The following TANGO6 variants were observed in gnomAD, a reference collection of about 807,000 sequenced individuals.
The protein encoded by TANGO6 is transport and Golgi organization protein 6 homolog.
A neutral mutation model predicts 114.2 loss-of-function variants in TANGO6; 90 were observed. The observed-to-expected ratio is 0.79, with a 90% CI of 0.66 to 0.94. TANGO6 has a LOEUF of 0.94. Ranked by LOEUF, TANGO6 falls within the 40% of genes least tolerant of loss-of-function variation. The pLI, the probability that TANGO6 is intolerant of heterozygous loss-of-function variation, is 0.00. For missense variants in TANGO6, 1,274 were observed against 1,315.3 expected (o/e 0.97, Z 0.49); for synonymous variants, 477 against 509.8 (o/e 0.94, Z 0.87).
chr16:68,970,624 G>A (rs1306332281), intron 14 of TANGO6, among the ~76,000 whole-genome samples: 1 of 143,958 alleles, frequency 6.9e-6, no homozygotes, highest in Non-Finnish European at 1.5e-5. Flanking sequence ...CTGAGATCAC[G>A]CCATTGTACT....
At chr16:68,843,917 G>C (rs1191726686) in intron 1 of TANGO6, among the ~76,000 whole-genome samples, 1 of 152,224 alleles carries the variant, frequency 6.6e-6, no homozygotes, top group East Asian at 1.9e-4. Context: ...GGGATCCGTT[G>C]ACTGCTGATA....
At chr16:69,075,425 GA>G (rs1960359794) in intron 17 of TANGO6, among the ~76,000 whole-genome samples, 1 of 151,400 alleles carries the variant, frequency 6.6e-6, no homozygotes, top group Admixed American at 6.6e-5. Context: ...CAGAACAGTA[GA>G]AACTCTACAC....
intron 7 of TANGO6, among the ~76,000 whole-genome samples, chr16:68,886,373 A>G (rs1962539176): frequency 1.4e-5 from 2 of 145,506 alleles, no homozygotes; most frequent in Admixed American, 6.9e-5. Flanking sequence ...ATGCACCACC[A>G]CACCTGGCTA....
intron 7 of TANGO6, among the ~76,000 whole-genome samples, chr16:68,883,382 T>C (rs1453390104): frequency 3.9e-5 from 6 of 152,250 alleles, no homozygotes; most frequent in Admixed American, 2.6e-4. Context: ...GCCTATTGTG[T>C]ACCTTTCATA....
Position 68,909,235 on chromosome 16 carries a change from A to G in TANGO6, c.1825A>G (p.Asn609Asp), listed in dbSNP as rs371848569. 5 of 1,589,718 alleles carry G rather than the reference A, an allele frequency of 3.1e-6. No homozygotes were observed. Among genetic ancestry groups the G allele is most frequent in the African/African-American group, 1.4e-5 (1 of 73,986 alleles). Residue 609 changes from asparagine (N) to aspartate (D), a missense_variant, in exon 11 of 18, where the codon AAT becomes GAT. This residue lies in a region of TANGO6 where 908 missense variants were observed against 910.2 expected (regional missense o/e 1.00). Transcript: ENST00000261778. ...LKELTHVASE[N>D]ETELKTEPFS... ...GGAGTTGACTCATGTGGCCTCGGAA[A>G]ATGAAACAGAGTTAAAAACTGAGCC...
chr16:68,906,879 C>T (rs1004496331), intron 9 of TANGO6, among the ~76,000 whole-genome samples: 30 of 151,556 alleles, frequency 2.0e-4, no homozygotes, highest in African/African-American at 6.3e-4. Context: ...CTGCACCCTC[C>T]GCCTCCTGGG....
intron 17 of TANGO6, among the ~76,000 whole-genome samples, chr16:69,043,297 TG>T (rs1959802321): frequency 6.8e-6 from 1 of 147,484 alleles, no homozygotes; most frequent in Admixed American, 6.7e-5. Context: ...TGTGTGTGTG[TG>T]TGTGTGTGTG....
chr16:69,064,620 A>G (rs1026238618), intron 17 of TANGO6, among the ~76,000 whole-genome samples: 1 of 152,210 alleles, frequency 6.6e-6, no homozygotes, highest in Non-Finnish European at 1.5e-5. Context: ...CACATATGAA[A>G]AACAAAGTTT....
chr16:68,977,925 A>T (rs1266390564), intron 15 of TANGO6, among the ~76,000 whole-genome samples: 1 of 152,002 alleles, frequency 6.6e-6, no homozygotes, highest in Admixed American at 6.6e-5. Context: ...ACCTCAGGTG[A>T]TCCGCCTGCC....
chr16:68,887,026 T>C (rs2152174223), intron 7 of TANGO6, among the ~76,000 whole-genome samples: 1 of 152,106 alleles, frequency 6.6e-6, no homozygotes, highest in Non-Finnish European at 1.5e-5. Context: ...TAGGCTGGTC[T>C]CAAACTCCTG....
At chr16:68,878,066 T>C (rs1962396118) in intron 5 of TANGO6, 52 bp from the exon 6 acceptor site, 1 of 1,460,228 alleles carries the variant, frequency 6.8e-7, no homozygotes, top group Non-Finnish European at 9.2e-7. Flanking sequence ...TTTTAGTTAC[T>C]GTCATATTCC....
chr16:69,031,684 G>GT (rs983443778), intron 16 of TANGO6, among the ~76,000 whole-genome samples: 3 of 151,870 alleles, frequency 2.0e-5, no homozygotes, highest in African/African-American at 7.2e-5. Context: ...TTGATACAGA[G>GT]TTTTGCTCTG....
intron 3 of TANGO6, among the ~76,000 whole-genome samples, chr16:68,865,860 G>A (rs1962168950): frequency 6.6e-6 from 1 of 151,876 alleles, no homozygotes; most frequent in African/African-American, 2.4e-5. Context: ...GGAGGTTGCA[G>A]CGAGCCGAGA....
intron 4 of TANGO6, among the ~76,000 whole-genome samples, chr16:68,874,873 C>T (rs1226664056): frequency 6.6e-6 from 1 of 152,080 alleles, no homozygotes; most frequent in Non-Finnish European, 1.5e-5. Flanking sequence ...TCGCTTGAAC[C>T]TGGCAGGAAG....
chr16:68,942,959 G>A (rs924570979), intron 14 of TANGO6, among the ~76,000 whole-genome samples: 3 of 150,340 alleles, frequency 2.0e-5, no homozygotes, highest in Non-Finnish European at 4.4e-5. Flanking sequence ...AAGTGCAGTG[G>A]CACAATGTCA....
chr16:68,979,230 GA>G (rs1193099617), intron 15 of TANGO6, among the ~76,000 whole-genome samples: 3 of 151,496 alleles, frequency 2.0e-5, no homozygotes, highest in African/African-American at 7.3e-5. Context: ...TGAAGTATAT[GA>G]ATTTTTTTTT....
At position 69,022,973 on chromosome 16, in the gene TANGO6, C is replaced by T; in HGVS notation, c.2988C>T (p.Val996=). ...TGGACTTTCTGCTGGGCTCCGTGGT[C>T]CATGAGGTACTGTATTTTGATTCCT... ...QRLDFLLGSV[V]HEVTACLIAV... The change falls in exon 16 of 18, where the codon GTC becomes GTT. Residue 996 remains valine, a synonymous_variant. Coordinates refer to ENST00000261778, the MANE Select transcript of TANGO6 (RefSeq NM_024562.2). 1 of 1,582,198 alleles carries T rather than the reference C, an allele frequency of 6.3e-7. No homozygotes were observed. The highest frequency in any genetic ancestry group is 2.2e-5 in the East Asian group (1 of 44,474).
chr16:69,043,189 G>T (rs1170338975), intron 17 of TANGO6, among the ~76,000 whole-genome samples: 1 of 152,166 alleles, frequency 6.6e-6, no homozygotes, highest in Non-Finnish European at 1.5e-5. Flanking sequence ...TCGCGCCACT[G>T]CACTTCAGTC....
intron 17 of TANGO6, among the ~76,000 whole-genome samples, chr16:69,053,723 G>A (rs536558819): frequency 1.6e-4 from 24 of 152,210 alleles, no homozygotes; most frequent in Admixed American, 2.6e-4. Flanking sequence ...GGGAGACTCC[G>A]TACTGTGACT....
Sources: allele counts gnomAD v4.1 joint callset (sites outside exome capture counted in the v4.1 genomes callset), GRCh38; gene constraint gnomAD v4.1.1; regional missense constraint gnomAD v4.1.1; transcripts MANE v1.5; gene names NCBI Gene and HGNC (gene_info 2026-07-23, HGNC 2026-07-21).